MMS22L: variants seen among roughly 807,000 people sequenced by gnomAD.
MMS22L encodes the protein protein MMS22-like.
Under a neutral mutation model 159.1 loss-of-function variants are expected in MMS22L, and 74 were observed. The observed-to-expected ratio is 0.47, with a 90% confidence interval of 0.39 to 0.56. The LOEUF (loss-of-function observed/expected upper bound fraction) is 0.56. Among genes scored for constraint, MMS22L ranks in the 20% least tolerant of loss-of-function variants. The probability of loss-of-function intolerance (pLI) is 0.00; values close to 1 mark genes in which losing one functional copy is unlikely to be tolerated. For missense variants in MMS22L, 1,351 were observed against 1,422.1 expected (o/e 0.95, Z 0.80); for synonymous variants, 517 against 506.9 (o/e 1.02, Z -0.27).
intron 14 of MMS22L, among the ~76,000 whole-genome samples, chr6:97,190,116 C>A (rs1056326141): frequency 1.3e-5 from 2 of 152,126 alleles, no homozygotes; most frequent in African/African-American, 4.8e-5. Flanking sequence ...GTGACCACTG[C>A]ATATCTGCTG....
intron 14 of MMS22L, among the ~76,000 whole-genome samples, chr6:97,191,367 A>G (rs909331804): frequency 3.3e-5 from 5 of 152,198 alleles, no homozygotes; most frequent in African/African-American, 9.7e-5. Flanking sequence ...CTGTTATAGA[A>G]TAAGGTATGA....
At chr6:97,230,969 G>C (rs924070311) in intron 13 of MMS22L, 1 of 161,074 alleles carries the variant, frequency 6.2e-6, no homozygotes, top group Non-Finnish European at 1.4e-5. Context: ...AGCTAATATA[G>C]GCAAAGGAAG....
intron 14 of MMS22L, among the ~76,000 whole-genome samples, chr6:97,207,000 G>A (rs1807859953): frequency 6.6e-6 from 1 of 151,958 alleles, no homozygotes; most frequent in Admixed American, 6.6e-5. Context: ...ACAAGTAAAG[G>A]CCAAATTAAT....
chr6:97,159,344 A>C (rs957333255), intron 22 of MMS22L, among the ~76,000 whole-genome samples: 4 of 152,036 alleles, frequency 2.6e-5, no homozygotes, highest in South Asian at 4.2e-4. Flanking sequence ...ACTCTAAGCT[A>C]ACCATATATA....
At chr6:97,247,809 A>G (rs1047759919) in intron 10 of MMS22L, among the ~76,000 whole-genome samples, 3 of 152,360 alleles carry the variant, frequency 2.0e-5, no homozygotes, top group South Asian at 4.1e-4. Flanking sequence ...TACCCTTCTT[A>G]TCCCTGTTAT....
At position 97,268,741 on chromosome 6, in the gene MMS22L, C is replaced by T. The variant is rs541407052; in HGVS notation, c.698-739G>A. ...AGGTAATAGATAACCAAAATTTTTA[C>T]TTATCAGAATAAGTCCACTTGAGTA... On this transcript the variant is annotated intron_variant, in intron 7 of 24. Transcript: ENST00000683635. Among the ~76,000 whole-genome samples the T allele has an allele frequency of 2.0e-4, 30 of 152,140 alleles. No homozygotes were observed. The South Asian group carries it at 3.3e-3, about 17-fold the overall frequency.
At chr6:97,175,288 T>C (rs546238429) in intron 18 of MMS22L, among the ~76,000 whole-genome samples, 58 of 152,326 alleles carry the variant, frequency 3.8e-4, no homozygotes, top group African/African-American at 1.3e-3. Flanking sequence ...GCTTGATTCT[T>C]ATATCTGCTC....
At chr6:97,261,538 C>T (rs1022486302) in intron 9 of MMS22L, 3 of 152,106 alleles carry the variant, frequency 2.0e-5, no homozygotes, top group Admixed American at 1.3e-4. Context: ...ATACAACATA[C>T]AAAATACATG....
At chr6:97,208,761 C>T (rs1217407957) in intron 14 of MMS22L, among the ~76,000 whole-genome samples, 1 of 151,958 alleles carries the variant, frequency 6.6e-6, no homozygotes, top group Non-Finnish European at 1.5e-5. Flanking sequence ...CTACTTAAAA[C>T]CTATAGTCTT....
At chr6:97,268,167 A>T (rs555441479) in intron 7 of MMS22L, among the ~76,000 whole-genome samples, 165 bp from the exon 8 acceptor site, 1 of 151,798 alleles carries the variant, frequency 6.6e-6, no homozygotes, top group South Asian at 2.1e-4. Context: ...ATGAGCACTG[A>T]TAAACATTAT....
chr6:97,186,718 A>G (rs1282199606), intron 14 of MMS22L, 28 bp from the exon 15 acceptor site: 1 of 1,418,706 alleles, frequency 7.0e-7, no homozygotes, highest in East Asian at 2.6e-5. Context: ...TACAGCTAAC[A>G]CCCTTAATAA....
chr6:97,247,584 T>C (rs186552114), intron 10 of MMS22L, among the ~76,000 whole-genome samples: 34 of 152,136 alleles, frequency 2.2e-4, no homozygotes, highest in African/African-American at 7.0e-4. Flanking sequence ...CCGGGCATGG[T>C]GGCGGGTGCC....
intron 10 of MMS22L, among the ~76,000 whole-genome samples, chr6:97,249,524 C>G (rs768331482): frequency 6.6e-6 from 1 of 152,102 alleles, no homozygotes; most frequent in Non-Finnish European, 1.5e-5. Context: ...AAAAAAAGCT[C>G]ATTTTCTTCT....
upstream of MMS22L, chr6:97,283,236 CT>C (rs1289236553): frequency 6.6e-6 from 1 of 152,278 alleles, no homozygotes; most frequent in Non-Finnish European, 1.5e-5. Flanking sequence ...CGGCGCAGCC[CT>C]CCCCCGGCTA....
intron 4 of MMS22L, among the ~76,000 whole-genome samples, chr6:97,273,985 A>G (rs1302038314): frequency 6.6e-6 from 1 of 152,232 alleles, no homozygotes; most frequent in Non-Finnish European, 1.5e-5. Context: ...TAATTTATAA[A>G]GCTCTGAACG....
intron 4 of MMS22L, among the ~76,000 whole-genome samples, chr6:97,273,888 A>C (rs1182045912): frequency 2.6e-5 from 4 of 152,220 alleles, no homozygotes. Context: ...AATCTGCTTA[A>C]AATGTATATC....
intron 17 of MMS22L, 135 bp from the exon 18 acceptor site, chr6:97,178,720 A>T (rs1804376988): frequency 4.6e-6 from 2 of 435,570 alleles, no homozygotes; most frequent in Non-Finnish European, 7.7e-6. Flanking sequence ...TTTCTTTTAA[A>T]ATTCAAATTT....
At chr6:97,212,457 G>A (rs1465777920) in intron 14 of MMS22L, among the ~76,000 whole-genome samples, 1 of 152,090 alleles carries the variant, frequency 6.6e-6, no homozygotes. Flanking sequence ...ATTTAGAATG[G>A]AAAACTCTGT....
At chr6:97,278,199 T>C (rs1164325175) in intron 4 of MMS22L, among the ~76,000 whole-genome samples, 4 of 152,134 alleles carry the variant, frequency 2.6e-5, no homozygotes, top group Non-Finnish European at 5.9e-5. Context: ...GGTCAGGAGT[T>C]TGCGATCAGC....
Sources: allele counts gnomAD v4.1 joint callset (sites outside exome capture counted in the v4.1 genomes callset), GRCh38; gene constraint gnomAD v4.1.1; transcripts MANE v1.5; gene names NCBI Gene and HGNC (gene_info 2026-07-23, HGNC 2026-07-21).